Variants in DNAH7 observed in about 807,000 individuals in gnomAD.
DNAH7 encodes dynein axonemal heavy chain 7.
DNAH7 carries 397 observed loss-of-function variants against 444.6 expected under a neutral mutation model. The ratio of observed to expected loss-of-function variants is 0.89; its 90% CI spans 0.82 to 0.97. The LOEUF (loss-of-function observed/expected upper bound fraction) is 0.97, where lower values mean the gene tolerates loss of function less well. DNAH7 is among the 50% of genes least tolerant of loss of function. The pLI is 0.00. For synonymous variants in DNAH7, 1,636 were observed against 1,624.4 expected (o/e 1.01, Z -0.17); for missense variants, 4,902 against 4,800.8 (o/e 1.02, Z -0.62).
chr2:195,744,633 G>A (rs988140744), intron 63 of DNAH7, among the ~76,000 whole-genome samples: 1 of 152,138 alleles, frequency 6.6e-6, no homozygotes, highest in Non-Finnish European at 1.5e-5. Flanking sequence ...ACCTCACACG[G>A]CCGGGTACTC....
chr2:195,775,643 T>C (rs1695025103), intron 60 of DNAH7, among the ~76,000 whole-genome samples: 1 of 116,964 alleles, frequency 8.5e-6, no homozygotes, highest in African/African-American at 2.9e-5. Context: ...CAAAAAAAGA[T>C]AGATGAAAAA....
At chr2:196,025,028 A>G (rs1695597646) in intron 7 of DNAH7, among the ~76,000 whole-genome samples, 2 of 152,258 alleles carry the variant, frequency 1.3e-5, no homozygotes, top group South Asian at 4.1e-4. Flanking sequence ...CATAGCATGT[A>G]CATTGTATGA....
At position 195,809,828 on chromosome 2, in the gene DNAH7, T is replaced by A. The variant is rs1559112778; in HGVS notation, c.9805A>T (p.Asn3269Tyr). 1 of 1,593,276 alleles carries A rather than the reference T, an allele frequency of 6.3e-7. No homozygotes were observed. The highest frequency in any genetic ancestry group is 8.6e-7 in the Non-Finnish European group (1 of 1,169,240). ...KDHFTYSLYV[N>Y]VCRSLFEKDK... Reference sequence around the variant, plus strand: ...TTTTCAAAGAGTGACCGGCAGACATTAACATACAGTGAATAAGTAAAGTGA... The same window carrying A: ...TTTTCAAAGAGTGACCGGCAGACATAAACATACAGTGAATAAGTAAAGTGA... Residue 3269 changes from asparagine (N) to tyrosine (Y), a missense_variant, in exon 52 of 65, where the codon AAT (asparagine) becomes TAT (tyrosine). Coordinates refer to ENST00000312428, the MANE Select transcript of DNAH7 (RefSeq NM_018897.3).
At chr2:195,868,181 C>T (rs911812194) in intron 40 of DNAH7, among the ~76,000 whole-genome samples, 10 of 149,630 alleles carry the variant, frequency 6.7e-5, no homozygotes, top group Non-Finnish European at 8.9e-5. Context: ...CTGCAAGCTC[C>T]GCCTCCCGGG....
At chr2:195,788,375 G>A (rs115732628) in intron 57 of DNAH7, among the ~76,000 whole-genome samples, 270 of 152,302 alleles carry the variant, frequency 1.8e-3, no homozygotes, top group African/African-American at 6.3e-3. Context: ...TGGAAACCTA[G>A]ATTTTGAATA....
chr2:196,021,275 T>C (rs1297779600), intron 8 of DNAH7, among the ~76,000 whole-genome samples: 1 of 152,164 alleles, frequency 6.6e-6, no homozygotes, highest in South Asian at 2.1e-4. Flanking sequence ...TGTCTAGTCA[T>C]CTACCTATCG....
At position 196,066,247 on chromosome 2, in the gene DNAH7, T is replaced by G. The variant is rs932203266; in HGVS notation, c.15+2450A>C. On this transcript the variant is annotated intron_variant, in intron 1 of 64. Transcript: ENST00000312428. ...TAAATCAACAATAACCTCTCAAAATTTCATAGTACTGATTTAAATATAGTT... is the reference window on the plus strand; with the variant it reads ...TAAATCAACAATAACCTCTCAAAATGTCATAGTACTGATTTAAATATAGTT... 1.4e-4 allele frequency among the ~76,000 whole-genome samples: 21 copies of G among 152,216 alleles called. 1 individual carries two copies. The highest frequency in any genetic ancestry group is 2.5e-4 in the Non-Finnish European group (17 of 68,024).
Position 195,747,301 on chromosome 2 carries a change from A to G in DNAH7, c.11765-6432T>C, listed in dbSNP as rs564157676. ...ATATCCTCCCAAGACTAAACCAGGA[A>G]GAAGTTGAATCTCTGAATAGGCTCT... On this transcript the variant is annotated intron_variant, in intron 63 of 64. Transcript: ENST00000312428. Among the ~76,000 whole-genome samples, 8 of 152,360 alleles carry G rather than the reference A, an allele frequency of 5.3e-5. No homozygotes were observed. In the South Asian group the frequency reaches 1.7e-3, roughly 32 times the overall value.
intron 12 of DNAH7, among the ~76,000 whole-genome samples, chr2:195,993,999 C>T (rs1182929170): frequency 1.3e-5 from 2 of 152,222 alleles, no homozygotes; most frequent in African/African-American, 4.8e-5. Flanking sequence ...CATTTCCTGA[C>T]TTATCCAGGA....
At chr2:195,816,484 C>G (rs961094686) in intron 51 of DNAH7, 144 bp downstream of exon 51, 1 of 635,402 alleles carries the variant, frequency 1.6e-6, no homozygotes, top group Non-Finnish European at 2.7e-6. Flanking sequence ...CCCATATTTA[C>G]TTCTGATACG....
intron 48 of DNAH7, 139 bp downstream of exon 48, chr2:195,834,067 C>T (rs1559129942): frequency 4.9e-6 from 4 of 809,824 alleles, no homozygotes; most frequent in Middle Eastern, 4.0e-4. Flanking sequence ...ATTAGCCAAG[C>T]GTGGGGGCAT....
chr2:196,032,749 C>A (rs1470324834), intron 5 of DNAH7, among the ~76,000 whole-genome samples: 1 of 152,184 alleles, frequency 6.6e-6, no homozygotes, highest in African/African-American at 2.4e-5. Context: ...GAGGTAAAAA[C>A]ACTTCCCAAC....
At chr2:196,059,350 T>C (rs1455757292) in intron 1 of DNAH7, among the ~76,000 whole-genome samples, 2 of 152,238 alleles carry the variant, frequency 1.3e-5, no homozygotes, top group African/African-American at 4.8e-5. Context: ...GAAGCATTTG[T>C]TGAAAATGAC....
At chr2:196,016,314 T>C (rs1559337491) in intron 9 of DNAH7, among the ~76,000 whole-genome samples, 1 of 152,178 alleles carries the variant, frequency 6.6e-6, no homozygotes, top group Non-Finnish European at 1.5e-5. Context: ...GTGAAAGTAA[T>C]ATACTATATT....
intron 19 of DNAH7, among the ~76,000 whole-genome samples, chr2:195,937,546 CT>C (rs1269526676): frequency 6.6e-6 from 1 of 152,096 alleles, no homozygotes; most frequent in Non-Finnish European, 1.5e-5. Context: ...AAAAGCTGAT[CT>C]TAAAGAACTC....
intron 13 of DNAH7, 90 bp from the exon 14 acceptor site, chr2:195,987,283 T>C: frequency 3.1e-6 from 3 of 962,566 alleles, no homozygotes; most frequent in South Asian, 2.3e-5. Flanking sequence ...TTTATTTTTG[T>C]GTGTGATGTA....
chr2:195,873,438 C>T (rs1700836317), intron 39 of DNAH7, 130 bp downstream of exon 39: 3 of 552,642 alleles, frequency 5.4e-6, no homozygotes, highest in South Asian at 5.5e-5. Context: ...CAGAGGCAAA[C>T]GATGTTGTCT....
At chr2:195,913,479 ACAAAG>A (rs1046518806) in intron 24 of DNAH7, among the ~76,000 whole-genome samples, 3 of 152,204 alleles carry the variant, frequency 2.0e-5, no homozygotes, top group African/African-American at 7.2e-5. Context: ...CATGAGAAAA[ACAAAG>A]CAAAACAAAA....
In DNAH7 at chr2:195,790,580, A is replaced by T. The variant is rs190883483; in HGVS notation, c.10717-3409T>A. ...CTCTTTGACAAAGTTGACAAAAATA[A>T]GCAATGGAGAAAAGACTCCCTATTC... On this transcript the variant is annotated intron_variant, in intron 57 of 64. Transcript: ENST00000312428. 7.8e-4 allele frequency among the ~76,000 whole-genome samples: 119 copies of T among 152,290 alleles called. 1 individual carries two copies. Among genetic ancestry groups the T allele is most frequent in the Admixed American group, 7.6e-3 (116 of 15,304 alleles).
Sources: allele counts gnomAD v4.1 joint callset (sites outside exome capture counted in the v4.1 genomes callset), GRCh38; gene constraint gnomAD v4.1.1; transcripts MANE v1.5; gene names NCBI Gene and HGNC (gene_info 2026-07-23, HGNC 2026-07-21).